Variants in RAPGEF2 observed in about 807,000 individuals in gnomAD.
The protein encoded by RAPGEF2 is Rap guanine nucleotide exchange factor 2.
In RAPGEF2, 54 loss-of-function variants were observed where a neutral mutation model predicts 186.7. That is an observed-to-expected ratio of 0.29 (90% CI 0.23 to 0.36). RAPGEF2 has a LOEUF of 0.36. Ranked by LOEUF, RAPGEF2 falls within the 10% of genes least tolerant of loss-of-function variation. The pLI, the probability that RAPGEF2 is intolerant of heterozygous loss-of-function variation, is 1.00. For missense variants in RAPGEF2, 1,532 were observed against 2,045.0 expected, an observed-to-expected ratio of 0.75 and a Z score of 4.84; for synonymous variants, 712 against 705.9, an observed-to-expected ratio of 1.01 and a Z score of -0.14.
intron 3 of RAPGEF2, among the ~76,000 whole-genome samples, chr4:159,210,269 C>A (rs1750392663): frequency 6.6e-6 from 1 of 152,092 alleles, no homozygotes; most frequent in African/African-American, 2.4e-5. Context: ...GTCTAAGGAA[C>A]ATTTGAAACA....
chr4:159,180,749 T>A (rs538752756), intron 1 of RAPGEF2, among the ~76,000 whole-genome samples: 1 of 152,340 alleles, frequency 6.6e-6, no homozygotes, highest in Non-Finnish European at 1.5e-5. Context: ...CATGATTATA[T>A]GGATATGAAT....
intron 4 of RAPGEF2, among the ~76,000 whole-genome samples, chr4:159,227,747 G>GT (rs1752193184): frequency 6.6e-6 from 1 of 152,182 alleles, no homozygotes; most frequent in Admixed American, 6.5e-5. Flanking sequence ...TACAGCTGAG[G>GT]TAAGAGCCAC....
chr4:159,317,886 TGAATCTGTTCATTTTAAAATAGTTGTGAA>T (rs1764787358), intron 9 of RAPGEF2, among the ~76,000 whole-genome samples: 1 of 152,194 alleles, frequency 6.6e-6, no homozygotes, highest in African/African-American at 2.4e-5. Flanking sequence ...ATATCTTTTT[TGAATCTGTTCATTTTAAAATAGTTGTGAA>T]GAAAATGCTG....
intron 1 of RAPGEF2, among the ~76,000 whole-genome samples, chr4:159,177,949 A>G (rs987097539): frequency 6.6e-6 from 1 of 152,172 alleles, no homozygotes; most frequent in African/African-American, 2.4e-5. Flanking sequence ...TGGTCCTGTG[A>G]CCAGTGTCGC....
At chr4:159,308,032 G>A (rs1376207724) in intron 8 of RAPGEF2, among the ~76,000 whole-genome samples, 1 of 152,178 alleles carries the variant, frequency 6.6e-6, no homozygotes, top group Non-Finnish European at 1.5e-5. Flanking sequence ...GGGAATTCTA[G>A]TCATATGTGC....
intron 1 of RAPGEF2, among the ~76,000 whole-genome samples, chr4:159,133,081 A>G (rs1008084549): frequency 6.6e-6 from 1 of 152,140 alleles, no homozygotes; most frequent in African/African-American, 2.4e-5. Flanking sequence ...TTCTCAAGTT[A>G]TATCTACATA....
intron 1 of RAPGEF2, among the ~76,000 whole-genome samples, chr4:159,181,130 A>G (rs754087034): frequency 1.3e-5 from 2 of 152,348 alleles, no homozygotes; most frequent in African/African-American, 2.4e-5. Context: ...TTGAAAAGCA[A>G]CAGATTAATA....
chr4:159,320,131 T>A (rs558944121), intron 9 of RAPGEF2, among the ~76,000 whole-genome samples: 1 of 152,266 alleles, frequency 6.6e-6, no homozygotes, highest in South Asian at 2.1e-4. Context: ...TATCATAGTT[T>A]ATGGTGAGGC....
At chr4:159,208,392 C>T (rs1238265920) in intron 3 of RAPGEF2, among the ~76,000 whole-genome samples, 2 of 152,140 alleles carry the variant, frequency 1.3e-5, no homozygotes, top group Non-Finnish European at 2.9e-5. Context: ...TAGTATGCAG[C>T]GTCTATGATG....
chr4:159,320,326 A>G (rs1261181501), intron 9 of RAPGEF2, among the ~76,000 whole-genome samples: 1 of 152,176 alleles, frequency 6.6e-6, no homozygotes, highest in Non-Finnish European at 1.5e-5. Context: ...AATGGTGTTC[A>G]GAATTGCTTT....
At chr4:159,256,943 C>T (rs1756243620) in intron 7 of RAPGEF2, among the ~76,000 whole-genome samples, 1 of 152,034 alleles carries the variant, frequency 6.6e-6, no homozygotes, top group African/African-American at 2.4e-5. Context: ...GATATTAGAC[C>T]TTTGTCAGGT....
intron 1 of RAPGEF2, among the ~76,000 whole-genome samples, chr4:159,142,627 CA>C (rs892637212): frequency 2.0e-5 from 3 of 150,976 alleles, no homozygotes; most frequent in African/African-American, 7.3e-5. Context: ...ATGTAAATGT[CA>C]AAGAAATAAA....
chr4:159,252,014 A>G (rs769429338), intron 7 of RAPGEF2, among the ~76,000 whole-genome samples: 24 of 152,110 alleles, frequency 1.6e-4, no homozygotes, highest in Non-Finnish European at 2.5e-4. Context: ...GAACAAAGAC[A>G]CATCTGAACA....
intron 12 of RAPGEF2, 107 bp downstream of exon 12, chr4:159,330,117 ATC>A: frequency 8.4e-7 from 1 of 1,186,558 alleles, no homozygotes; most frequent in Non-Finnish European, 1.2e-6. Context: ...CTTAAAGGTT[ATC>A]AGTTGTGAAA....
chr4:159,210,623 T>C, intron 4 of RAPGEF2, 40 bp downstream of exon 4: 3 of 1,408,386 alleles, frequency 2.1e-6, no homozygotes, highest in Non-Finnish European at 2.9e-6. Context: ...TCCATGAAGC[T>C]TGAAATTCTT....
intron 7 of RAPGEF2, among the ~76,000 whole-genome samples, chr4:159,249,665 TAGTC>T (rs1251313062): frequency 4.6e-5 from 7 of 152,112 alleles, no homozygotes; most frequent in African/African-American, 1.4e-4. Context: ...CTGAAAAATT[TAGTC>T]AGTATTATCT....
chr4:159,178,702 T>C (rs1197014932), intron 1 of RAPGEF2, among the ~76,000 whole-genome samples: 2 of 151,868 alleles, frequency 1.3e-5, no homozygotes, highest in Non-Finnish European at 2.9e-5. Context: ...GGCTTACAGG[T>C]GCACACTACC....
chr4:159,243,292 G>T (rs1004985680), intron 6 of RAPGEF2, among the ~76,000 whole-genome samples: 1 of 151,510 alleles, frequency 6.6e-6, no homozygotes, highest in South Asian at 2.1e-4. Context: ...CAACAACATG[G>T]TCATAAGGAT....
intron 1 of RAPGEF2, among the ~76,000 whole-genome samples, chr4:159,158,436 A>G (rs1744350939): frequency 6.6e-6 from 1 of 152,208 alleles, no homozygotes; most frequent in Non-Finnish European, 1.5e-5. Context: ...GTCTCCCAAC[A>G]GGCAGTACCT....
Sources: gnomAD v4.1 joint callset for allele counts (sites outside exome capture counted in the v4.1 genomes callset) on GRCh38, gnomAD v4.1.1 for gene constraint, MANE v1.5 for transcripts, NCBI Gene and HGNC (gene_info 2026-07-23, HGNC 2026-07-21) for gene names.